Variants in NPFFR2 observed in about 807,000 individuals in gnomAD.
NPFFR2 encodes G-protein coupled receptor 74.
NPFFR2 carries 15 observed loss-of-function variants against 13.1 expected under a neutral mutation model. The ratio of observed to expected loss-of-function variants is 1.15; its 90% CI spans 0.77 to 1.76. The LOEUF (loss-of-function observed/expected upper bound fraction) is 1.76, where lower values mean the gene tolerates loss of function less well. Ranked by LOEUF, NPFFR2 falls within the 40% of genes most tolerant of loss-of-function variation. The probability of loss-of-function intolerance (pLI) is 0.00; values close to 1 mark genes in which losing one functional copy is unlikely to be tolerated. For missense variants in NPFFR2, 572 were observed against 503.5 expected (o/e 1.14, Z -1.30); for synonymous variants, 190 against 175.7 (o/e 1.08, Z -0.65).
At chr4:72,079,390 G>T (rs182975704) in intron 1 of NPFFR2, among the ~76,000 whole-genome samples, 4 of 152,062 alleles carry the variant, frequency 2.6e-5, no homozygotes, top group Non-Finnish European at 5.9e-5. Flanking sequence ...AGATTTTGTG[G>T]TTTGATGCAT....
Position 72,032,059 on chromosome 4 carries a change from A to G in NPFFR2, c.-149A>G, listed in dbSNP as rs761052684. On this transcript the variant is annotated 5_prime_UTR_variant, in exon 1 of 4. Transcript: ENST00000308744. ...AGCGGAAGCCTGGAGTGGAGCAGGC[A>G]GTCCGCGGGGGACAGACGTCGGCTG... is the stretch of plus-strand genomic sequence containing the variant. 8 of 1,613,984 alleles carry G rather than the reference A, an allele frequency of 5.0e-6. No homozygotes were observed. The Admixed American group carries it at 1.3e-4, about 27-fold the overall frequency.
At chr4:72,115,926 C>T (rs1444657217) in intron 1 of NPFFR2, among the ~76,000 whole-genome samples, 2 of 152,028 alleles carry the variant, frequency 1.3e-5, no homozygotes, top group Non-Finnish European at 2.9e-5. Context: ...TAGTTTGGGA[C>T]AATATTAATA....
chr4:72,109,416 G>A (rs1274705219), intron 1 of NPFFR2, among the ~76,000 whole-genome samples: 3 of 151,818 alleles, frequency 2.0e-5, no homozygotes, highest in Admixed American at 6.6e-5. Context: ...TTCACTTAAC[G>A]GTAATGTCTT....
intron 1 of NPFFR2, among the ~76,000 whole-genome samples, chr4:72,077,364 A>G (rs1243497086): frequency 6.6e-6 from 1 of 152,174 alleles, no homozygotes; most frequent in African/African-American, 2.4e-5. Flanking sequence ...GTCATGGGCC[A>G]GGAAAATGAC....
intron 1 of NPFFR2, among the ~76,000 whole-genome samples, chr4:72,099,236 G>A (rs1721160511): frequency 6.6e-6 from 1 of 152,078 alleles, no homozygotes; most frequent in African/African-American, 2.4e-5. Flanking sequence ...CTGATAAATT[G>A]CTGTTTGTAA....
At chr4:72,096,298 TG>T (rs1305525557) in intron 1 of NPFFR2, among the ~76,000 whole-genome samples, 2 of 152,218 alleles carry the variant, frequency 1.3e-5, no homozygotes, top group African/African-American at 4.8e-5. Context: ...ATGAATCTTC[TG>T]CTTTTGTATT....
intron 1 of NPFFR2, among the ~76,000 whole-genome samples, chr4:72,063,673 C>T (rs983714039): frequency 1.3e-5 from 2 of 152,152 alleles, no homozygotes; most frequent in Non-Finnish European, 2.9e-5. Context: ...TATTTCCAGT[C>T]AGCCCACTTT....
chr4:72,075,940 A>ATCTC (rs370853773), intron 1 of NPFFR2, among the ~76,000 whole-genome samples: 1 of 144,234 alleles, frequency 6.9e-6, no homozygotes, highest in Non-Finnish European at 1.5e-5. Context: ...AAGTAAATCA[A>ATCTC]TCTCTCTCTC....
rs576732803 is a variant in NPFFR2 at position 72,083,238 on chromosome 4, CT to C, written c.-7-45346del. Among the ~76,000 whole-genome samples the C allele has an allele frequency of 7.8e-3, 1,183 of 152,204 alleles. 8 individuals carry two copies. Among genetic ancestry groups the C allele is most frequent in the African/African-American group, 0.017 (694 of 41,528 alleles). On this transcript the variant is annotated intron_variant, in intron 1 of 3. Coordinates refer to ENST00000308744, the MANE Select transcript of NPFFR2 (RefSeq NM_004885.3). ...GGAATTTCTGAATCATATGGTCATT[CT>C]ATTTTTCATTTTTTGAGAACTCTCC...
rs1226955700 is a variant in NPFFR2 at position 72,147,343 on chromosome 4, T to C, written c.794T>C (p.Val265Ala). Residue 265 changes from valine (V) to alanine (A), a missense_variant, in exon 4 of 4, where the codon GTG becomes GCG. By Grantham distance (64) the Val-to-Ala change is moderately conservative. Transcript: ENST00000308744. ...GRKNQEQWHV[V>A]SRKKQKIIKM... is the part of the protein sequence containing the mutation. ...AAGAACCAGGAGCAGTGGCACGTGG[T>C]GTCCAGGAAGAAGCAGAAGATCATT... 5 of 1,614,016 alleles carry C rather than the reference T, an allele frequency of 3.1e-6. No individual in the cohort carries two copies. The highest frequency in any genetic ancestry group is 1.6e-4 in the Middle Eastern group (1 of 6,082).
At chr4:72,057,558 C>A (rs1719790514) in intron 1 of NPFFR2, among the ~76,000 whole-genome samples, 1 of 151,932 alleles carries the variant, frequency 6.6e-6, no homozygotes, top group Non-Finnish European at 1.5e-5. Context: ...ACAAGGATAT[C>A]TTTCACTGGA....
intron 1 of NPFFR2, among the ~76,000 whole-genome samples, chr4:72,102,952 G>C (rs7376383): frequency 0.96 from 146,180 of 152,038 alleles, 70,544 homozygotes; most frequent in East Asian, 1. Flanking sequence ...GCCACACTGA[G>C]TTCCACAATG....
At chr4:72,057,126 A>G (rs1719773454) in intron 1 of NPFFR2, among the ~76,000 whole-genome samples, 1 of 152,010 alleles carries the variant, frequency 6.6e-6, no homozygotes, top group African/African-American at 2.4e-5. Flanking sequence ...TCTTCCTTAT[A>G]TTGGATTGCC....
At chr4:72,075,076 G>A (rs1022874217) in intron 1 of NPFFR2, among the ~76,000 whole-genome samples, 1 of 152,086 alleles carries the variant, frequency 6.6e-6, no homozygotes, top group African/African-American at 2.4e-5. Context: ...TGTTGCCAAC[G>A]AAGATTACCA....
chr4:72,058,747 G>A lies in NPFFR2; in HGVS notation c.-8+26547G>A, dbSNP rs550010163. On this transcript the variant is annotated intron_variant, in intron 1 of 3. Coordinates refer to ENST00000308744, the MANE Select transcript of NPFFR2 (RefSeq NM_004885.3). ...GATTGGCTGTTTTTCCTCATTCTAG[G>A]GTCACCAGGACTTTTTCAGTATCAT... Among the ~76,000 whole-genome samples, 9 of 151,904 alleles carry A rather than the reference G, an allele frequency of 5.9e-5. No individual in the cohort carries two copies. The South Asian group carries it at 1.0e-3, about 18-fold the overall frequency.
At chr4:72,108,398 G>A (rs1055306122) in intron 1 of NPFFR2, among the ~76,000 whole-genome samples, 16 of 151,904 alleles carry the variant, frequency 1.1e-4, no homozygotes, top group African/African-American at 3.9e-4. Flanking sequence ...TCCCCTGGGT[G>A]CAATCTCCTG....
At chr4:72,086,806 G>C (rs956578822) in intron 1 of NPFFR2, among the ~76,000 whole-genome samples, 1 of 151,932 alleles carries the variant, frequency 6.6e-6, no homozygotes, top group East Asian at 1.9e-4. Context: ...AACAATTGTT[G>C]GTAGAGATTG....
rs1417721643 is a variant in NPFFR2 at position 72,121,907 on chromosome 4, ACC to A, written c.-7-6677_-7-6676del. Among the ~76,000 whole-genome samples the A allele has an allele frequency of 3.9e-5, 6 of 152,292 alleles. No homozygotes were observed. The East Asian group carries it at 7.7e-4, about 20-fold the overall frequency. ...ATAAAATTCACACATATCAATATTAACCTTAAATGTAAATGGGCTAAATGCCC... is the reference window on the plus strand; with the variant it reads ...ATAAAATTCACACATATCAATATTAATTAAATGTAAATGGGCTAAATGCCC... On this transcript the variant is annotated intron_variant, in intron 1 of 3. Transcript: ENST00000308744.
rs1344355658 is a variant in NPFFR2 at position 72,099,411 on chromosome 4, G to A, written c.-7-29174G>A. On this transcript the variant is annotated intron_variant, in intron 1 of 3. Transcript: ENST00000308744. ...TTGCTATAAAGGAATACTTGACACT[G>A]GGTAATTTATAAAGAAAAAAGATTT... 2.0e-5 allele frequency among the ~76,000 whole-genome samples: 3 copies of A among 152,096 alleles called. No homozygotes were observed. The East Asian group carries it at 5.8e-4, about 29-fold the overall frequency.
Sources: gnomAD v4.1 joint callset for allele counts (sites outside exome capture counted in the v4.1 genomes callset) on GRCh38, gnomAD v4.1.1 for gene constraint, MANE v1.5 for transcripts, NCBI Gene and HGNC (gene_info 2026-07-23, HGNC 2026-07-21) for gene names.